Variants in SH2B3 observed in about 807,000 individuals in gnomAD.
SH2B3 encodes the protein SH2B adapter protein 3.
SH2B3 carries 43 observed loss-of-function variants against 51.9 expected under a neutral mutation model. The ratio of observed to expected loss-of-function variants is 0.83; its 90% CI spans 0.65 to 1.07. SH2B3 has a LOEUF of 1.07. Among genes scored for constraint, SH2B3 ranks in the 50% least tolerant of loss-of-function variants. SH2B3 has a pLI of 0.00. For missense variants in SH2B3, 952 were observed against 834.3 expected (o/e 1.14, Z -1.74); for synonymous variants, 396 against 376.0 (o/e 1.05, Z -0.62).
intron 2 of SH2B3, among the ~76,000 whole-genome samples, chr12:111,436,355 A>C (rs1030372023): frequency 3.9e-5 from 6 of 152,096 alleles, no homozygotes; most frequent in Admixed American, 1.3e-4. Flanking sequence ...TTGGGATGAG[A>C]GCGCTGGGGA....
intron 1 of SH2B3, among the ~76,000 whole-genome samples, chr12:111,414,342 A>G (rs1412384191): frequency 6.6e-6 from 1 of 152,220 alleles, no homozygotes; most frequent in African/African-American, 2.4e-5. Flanking sequence ...CTGTAATCCC[A>G]GCACTTTGGG....
rs1250619920 is a variant in SH2B3 at position 111,405,947 on chromosome 12, GC to G, written c.-355del. On this transcript the variant is annotated 5_prime_UTR_variant, in exon 1 of 8. An upstream open reading frame in the 5' UTR loses its in-frame stop. Transcript: ENST00000341259. This position sits in a 1 kb window ranked among gnomAD's most constrained non-coding sequence, Gnocchi z 5.4. ...TACATAACGGCGCGGGGCGGCATGG[GC>G]CCGGGCCACCGCCTCCGCCCGGCTG... 2.6e-5 allele frequency: 4 copies of G among 151,668 alleles called. No individual in the cohort carries two copies. Among genetic ancestry groups the G allele is most frequent in the Non-Finnish European group, 5.9e-5 (4 of 67,886 alleles). The allele number at this position is 151,668 out of a possible 1,614,324, so 9.4% of individuals were successfully genotyped here. A position where few individuals can be genotyped will look rare whatever the true frequency, so the allele number is the denominator to read the frequency against.
upstream of SH2B3, among the ~76,000 whole-genome samples, chr12:111,405,762 G>A (rs996245224): frequency 7.9e-5 from 12 of 152,212 alleles, 2 homozygotes; most frequent in African/African-American, 2.9e-4. This position sits in a 1 kb window ranked among gnomAD's most constrained non-coding sequence, Gnocchi z 5.4. Flanking sequence ...GGATTGGTAG[G>A]CGGGGCCAGT....
chr12:111,423,637 C>T (rs1057277255), intron 2 of SH2B3, among the ~76,000 whole-genome samples: 3 of 152,084 alleles, frequency 2.0e-5, no homozygotes, highest in Admixed American at 6.5e-5. Context: ...CCCAAAGTGC[C>T]GGGATTACAG....
chr12:111,412,075 A>G (rs1472330932), intron 1 of SH2B3, among the ~76,000 whole-genome samples: 2 of 152,118 alleles, frequency 1.3e-5, no homozygotes, highest in African/African-American at 4.8e-5. Flanking sequence ...CTCATACCCT[A>G]CAGTCGAAGC....
intron 2 of SH2B3, among the ~76,000 whole-genome samples, chr12:111,440,373 G>A (rs1366813300): frequency 6.6e-6 from 1 of 152,224 alleles, no homozygotes; most frequent in Non-Finnish European, 1.5e-5. Context: ...CTTTGCTCTG[G>A]AACCATGACG....
In SH2B3 at chr12:111,447,005, G is replaced by A. The variant is rs1373407408; in HGVS notation, c.898G>A (p.Ala300Thr). The change falls in exon 4 of 8, where the codon GCT (alanine) becomes ACT (threonine). Residue 300 changes from alanine (A) to threonine (T), a missense_variant. Ala to Thr is a moderately conservative substitution (Grantham distance 58, BLOSUM62 0). Transcript: ENST00000341259. ...GDEQQLNSWM[A>T]ELSECTGRGL... is the part of the protein sequence containing the mutation. ...CGAGCAGCAGCTGAATTCATGGATG[G>A]CTGAGCTCTCGGAGTGCACAGGCCG... 3.7e-6 allele frequency: 6 copies of A among 1,613,956 alleles called. No homozygotes were observed. Among genetic ancestry groups the A allele is most frequent in the Non-Finnish European group, 4.2e-6 (5 of 1,179,952 alleles).
chr12:111,446,677 CTA>C lies in SH2B3; in HGVS notation c.733-73_733-72del, dbSNP rs1873989860. 4 of 784,624 alleles carry C rather than the reference CTA, an allele frequency of 5.1e-6. No homozygotes were observed. The Admixed American group carries it at 1.2e-4, about 23-fold the overall frequency. 48.6% of individuals were successfully genotyped at this position (784,624 alleles called of 1,614,324 possible). ...TCTAAAAGGGGGACTCCTGGGGAGACTATAGACAAACTCAGGCCTGGCTGGAA... is the reference window on the plus strand; with the variant it reads ...TCTAAAAGGGGGACTCCTGGGGAGACTAGACAAACTCAGGCCTGGCTGGAA... On this transcript the variant is annotated intron_variant, in intron 2 of 7. Transcript: ENST00000341259.
At chr12:111,414,345 A>G (rs1233492044) in intron 1 of SH2B3, among the ~76,000 whole-genome samples, 4 of 152,154 alleles carry the variant, frequency 2.6e-5, no homozygotes, top group Admixed American at 1.3e-4. Context: ...TAATCCCAGC[A>G]CTTTGGGAGG....
rs1261162479 is a variant in SH2B3 at position 111,418,778 on chromosome 12, G to A, written c.633G>A (p.Met211Ile). ...LRYSLADEAS[M>I]DSGARWQRGR... ...ACAGCCTGGCCGACGAGGCCTCCATGGACAGCGGGGCACGCTGGCAGCGCG... is the reference window on the plus strand; with the variant it reads ...ACAGCCTGGCCGACGAGGCCTCCATAGACAGCGGGGCACGCTGGCAGCGCG... The change falls in exon 2 of 8, where the codon ATG becomes ATA. Residue 211 changes from methionine to isoleucine, a missense_variant. By Grantham distance (10) the Met-to-Ile change is conservative. Transcript: ENST00000341259. This position sits in a 1 kb window ranked among gnomAD's most constrained non-coding sequence, Gnocchi z 6.7. 5 of 1,473,014 alleles carry A rather than the reference G, an allele frequency of 3.4e-6. No homozygotes were observed. The highest frequency in any genetic ancestry group is 2.6e-5 in the South Asian group (2 of 77,532). 91.2% of individuals were successfully genotyped at this position (1,473,014 alleles called of 1,614,324 possible). A position where few individuals can be genotyped will look rare whatever the true frequency, so the allele number is the denominator to read the frequency against.
chr12:111,427,030 C>T (rs1261996371), intron 2 of SH2B3, among the ~76,000 whole-genome samples: 1 of 152,126 alleles, frequency 6.6e-6, no homozygotes, highest in African/African-American at 2.4e-5. Flanking sequence ...GCACTGGTTG[C>T]CACATTTACA....
In SH2B3 at chr12:111,429,138, TGA is replaced by T; in HGVS notation, c.732+10262_732+10263del. Reference sequence around the variant, plus strand: ...GCCTGCCCCTGCCCTTCTGAGCCTGTGACCCGGGGGAAGGCACTTTGCCCTCC... The same window carrying T: ...GCCTGCCCCTGCCCTTCTGAGCCTGTCCCGGGGGAAGGCACTTTGCCCTCC... On this transcript the variant is annotated intron_variant, in intron 2 of 7. Coordinates refer to ENST00000341259, the MANE Select transcript of SH2B3 (RefSeq NM_005475.3). This position sits in a 1 kb window ranked among gnomAD's most constrained non-coding sequence, Gnocchi z 4.4. Among the ~76,000 whole-genome samples, 1 of 151,840 alleles carries T rather than the reference TGA, an allele frequency of 6.6e-6. No homozygotes were observed. Among genetic ancestry groups the T allele is most frequent in the Non-Finnish European group, 1.5e-5 (1 of 67,934 alleles).
In SH2B3 at chr12:111,429,637, T is replaced by A. The variant is rs1463787345; in HGVS notation, c.732+10760T>A. The stretch of plus-strand genomic sequence containing the variant: ...GCGTGAGCTACCGCGCCCGGCCCAT[T>A]TTTATTAATTGGTTTTCATGTGACA... On this transcript the variant is annotated intron_variant, in intron 2 of 7. Coordinates refer to ENST00000341259, the MANE Select transcript of SH2B3 (RefSeq NM_005475.3). This position sits in a 1 kb window ranked among gnomAD's most constrained non-coding sequence, Gnocchi z 4.4. Among the ~76,000 whole-genome samples the A allele has an allele frequency of 2.0e-5, 3 of 152,162 alleles. No homozygotes were observed. Among genetic ancestry groups the A allele is most frequent in the African/African-American group, 4.8e-5 (2 of 41,450 alleles).
rs1386809047 is a variant in SH2B3 at position 111,429,256 on chromosome 12, T to C, written c.732+10379T>C. On this transcript the variant is annotated intron_variant, in intron 2 of 7. Transcript: ENST00000341259. The surrounding 1 kb of genome is among the most constrained non-coding windows in gnomAD (Gnocchi z 4.4). Reference sequence around the variant, plus strand: ...GCTGTCTGGGAAGCACCTAGAGCTGTGCCCAACACAGCCAGTGTTCGCTGG... The same window carrying C: ...GCTGTCTGGGAAGCACCTAGAGCTGCGCCCAACACAGCCAGTGTTCGCTGG... 6.6e-6 allele frequency among the ~76,000 whole-genome samples: 1 copy of C among 152,226 alleles called. No individual in the cohort carries two copies. Among genetic ancestry groups the C allele is most frequent in the African/African-American group, 2.4e-5 (1 of 41,454 alleles).
rs937702988 is a variant in SH2B3, at chr12:111,418,820, C to G, written c.675C>G (p.Arg225=). 2.1e-6 allele frequency: 3 copies of G among 1,423,598 alleles called. No homozygotes were observed. The African/African-American group carries it at 4.6e-5, about 22-fold the overall frequency. 88.2% of individuals were successfully genotyped at this position (1,423,598 alleles called of 1,614,324 possible). Residue 225 remains arginine, a synonymous_variant, in exon 2 of 8, where the codon CGC becomes CGG. Coordinates refer to ENST00000341259, the MANE Select transcript of SH2B3 (RefSeq NM_005475.3). The surrounding 1 kb of genome is among the most constrained non-coding windows in gnomAD (Gnocchi z 6.7). ...GGCAGCGCGGGAGGCTGGCGCTGCG[C>G]CGGGCCCCGGGCCCCGATGGCCCCG... The part of the protein sequence containing the change: ...ARWQRGRLAL[R]RAPGPDGPDR...
chr12:111,416,352 A>G (rs749532842), intron 1 of SH2B3, among the ~76,000 whole-genome samples: 22 of 152,238 alleles, frequency 1.4e-4, no homozygotes, highest in Non-Finnish European at 2.4e-4. Flanking sequence ...CTTTACAGCT[A>G]TCAATTCATG....
rs754177726 is a variant in SH2B3 at position 111,447,375 on chromosome 12, A to C, written c.1067A>C (p.Asp356Ala). ...CTGGACCCGGCCTGCCAGAAGACGG[A>C]CCATTTCCTGTCCTGCTACCCCTGG... is the stretch of plus-strand genomic sequence containing the variant. ...GLLDPACQKT[D>A]HFLSCYPWFH... The change falls in exon 6 of 8, where the codon GAC (aspartate) becomes GCC (alanine). Residue 356 changes from aspartate (D) to alanine (A), a missense_variant. Coordinates refer to ENST00000341259, the MANE Select transcript of SH2B3 (RefSeq NM_005475.3). The C allele has an allele frequency of 1.1e-5, 17 of 1,613,902 alleles. No individual in the cohort carries two copies. The highest frequency in any genetic ancestry group is 1.4e-5 in the Non-Finnish European group (16 of 1,179,988).
chr12:111,437,302 G>T (rs1472941983), intron 2 of SH2B3, among the ~76,000 whole-genome samples: 1 of 152,160 alleles, frequency 6.6e-6, no homozygotes, highest in Non-Finnish European at 1.5e-5. Flanking sequence ...TGGCATTGGG[G>T]GGCTCTTGCC....
At chr12:111,430,936 C>T (rs1357902209) in intron 2 of SH2B3, among the ~76,000 whole-genome samples, 1 of 151,662 alleles carries the variant, frequency 6.6e-6, no homozygotes, top group Non-Finnish European at 1.5e-5. Flanking sequence ...GCCCCATTGG[C>T]GCTGCTGGAA....
Sources: allele counts gnomAD v4.1 joint callset (sites outside exome capture counted in the v4.1 genomes callset), GRCh38; gene constraint gnomAD v4.1.1; non-coding constraint Gnocchi (gnomAD v3.1); transcripts MANE v1.5; gene names NCBI Gene and HGNC (gene_info 2026-07-23, HGNC 2026-07-21).